The following RASL12 variants were observed in gnomAD, a reference collection of about 807,000 sequenced individuals.
The protein encoded by RASL12 is RAS like family 12.
Under a neutral mutation model 22.9 loss-of-function variants are expected in RASL12, and 16 were observed. The observed-to-expected ratio is 0.70, with a 90% CI of 0.47 to 1.06. The LOEUF is 1.06. Ranked by LOEUF, RASL12 falls within the 50% of genes least tolerant of loss-of-function variation. RASL12 has a pLI of 0.00. For synonymous variants in RASL12, 159 were observed against 152.2 expected (o/e 1.04, Z -0.33); for missense variants, 306 against 353.1 (o/e 0.87, Z 1.07).
chr15:65,047,144 T>C, the RASL12 span, among the ~76,000 whole-genome samples: 1 of 151,724 alleles, frequency 6.6e-6, no homozygotes, highest in Non-Finnish European at 1.5e-5. Context: ...ATCACCAACC[T>C]GGCAAACATG....
intron 1 of RASL12, among the ~76,000 whole-genome samples, chr15:65,074,463 G>A (rs1035074892): frequency 2.6e-5 from 4 of 151,722 alleles, no homozygotes; most frequent in Admixed American, 6.6e-5. Context: ...GCACGAGCTC[G>A]GCTCACTGCA....
At chr15:65,075,792 A>C (rs374531013) in intron 1 of RASL12, among the ~76,000 whole-genome samples, 1 of 144,380 alleles carries the variant, frequency 6.9e-6, no homozygotes, top group Non-Finnish European at 1.5e-5. Context: ...TGCACCAATC[A>C]ACACTCTGTA....
At chr15:65,060,356 T>C (rs2086786995) in intron 2 of RASL12, among the ~76,000 whole-genome samples, 1 of 152,212 alleles carries the variant, frequency 6.6e-6, no homozygotes, top group Non-Finnish European at 1.5e-5. Flanking sequence ...TGTAAAATAG[T>C]AGAGTTCCTG....
intron 1 of RASL12, among the ~76,000 whole-genome samples, chr15:65,066,958 A>G (rs931183987): frequency 2.0e-5 from 3 of 152,222 alleles, no homozygotes; most frequent in Non-Finnish European, 4.4e-5. Flanking sequence ...TGTTGACACA[A>G]ATTATCTCAA....
Position 65,054,804 on chromosome 15 carries a change from G to A in RASL12, c.*95C>T. The A allele has an allele frequency of 6.6e-7, 1 of 1,519,734 alleles. No homozygotes were observed. The highest frequency in any genetic ancestry group is 8.8e-7 in the Non-Finnish European group (1 of 1,137,260). The allele number at this position is 1,519,734 out of a possible 1,614,324, so 94.1% of individuals were successfully genotyped here. On this transcript the variant is annotated 3_prime_UTR_variant, in exon 5 of 5. Transcript: ENST00000220062. ...CTTGGTGCTGGAGGCGGGGTCTGCT[G>A]TCCATCAGACGGAAAGGCTGGTGGT...
chr15:65,076,607 A>G (rs1207315106), exon 1 of RASL12: 2 of 702,926 alleles, frequency 2.8e-6, no homozygotes, highest in South Asian at 3.0e-5. Flanking sequence ...ATTTCTTCTA[A>G]GGATATGAGT....
At chr15:65,073,511 G>C (rs1460345372) in intron 1 of RASL12, among the ~76,000 whole-genome samples, 4 of 152,186 alleles carry the variant, frequency 2.6e-5, no homozygotes, top group African/African-American at 9.7e-5. Context: ...CTGACAGAAG[G>C]CAGCACTCAG....
At chr15:65,072,092 G>A (rs1183289744), upstream of RASL12, among the ~76,000 whole-genome samples, 4 of 152,172 alleles carry the variant, frequency 2.6e-5, no homozygotes, top group Non-Finnish European at 4.4e-5. Flanking sequence ...CCCAAGATTG[G>A]GACTGTCATG....
At chr15:65,053,160 G>A, downstream of RASL12, 2 of 1,613,828 alleles carry the variant, frequency 1.2e-6, no homozygotes, top group Non-Finnish European at 1.7e-6. Context: ...GAAACTGAGA[G>A]CTAGTGAGGG....
downstream of RASL12, chr15:65,052,814 T>C: frequency 1.5e-6 from 1 of 660,642 alleles, no homozygotes; most frequent in Admixed American, 2.9e-5. Context: ...CATTTCTCTG[T>C]TGAAGGAATA....
Position 65,055,066 on chromosome 15 carries a change from C to T in RASL12, c.634G>A (p.Ala212Thr), listed in dbSNP as rs139151034. Residue 212 changes from alanine (A) to threonine (T), a missense_variant, in exon 5 of 5, where the codon GCG (alanine) becomes ACG (threonine). By Grantham distance (58) the Ala-to-Thr change is moderately conservative (BLOSUM62 0). Transcript: ENST00000220062. ...RALPHQAPLT[A>T]RHGLASCTFN... ...GTGCAGCTGGCCAGCCCATGCCGCGCGGTGAGCGGGGCCTGGTGGGGCAGG... is the reference window on the plus strand; with the variant it reads ...GTGCAGCTGGCCAGCCCATGCCGCGTGGTGAGCGGGGCCTGGTGGGGCAGG... The T allele has an allele frequency of 9.3e-6, 15 of 1,612,916 alleles. No individual in the cohort carries two copies. Among genetic ancestry groups the T allele is most frequent in the African/African-American group, 2.7e-5 (2 of 74,914 alleles).
At chr15:65,068,083 C>A (rs1195759888), upstream of RASL12, 5 of 1,061,632 alleles carry the variant, frequency 4.7e-6, no homozygotes, top group South Asian at 2.3e-4. The surrounding 1 kb of genome is among the most constrained non-coding windows in gnomAD (Gnocchi z 4.2). Context: ...CGGAGCCCCC[C>A]GCGGGGCGCG....
At position 65,054,563 on chromosome 15, in the gene RASL12, T is replaced by G; in HGVS notation, c.*336A>C. 1.1e-5 allele frequency: 12 copies of G among 1,094,968 alleles called. No homozygotes were observed. Among genetic ancestry groups the G allele is most frequent in the Non-Finnish European group, 1.2e-5 (11 of 898,206 alleles). 67.8% of individuals were successfully genotyped at this position (1,094,968 alleles called of 1,614,324 possible). A position where few individuals can be genotyped will look rare whatever the true frequency, so the allele number is the denominator to read the frequency against. ...CCACTAAGGCCACAGCTGGCCCAAC[T>G]GTAGCTGGAGCAGGAAGGGCTGATG... is the stretch of plus-strand genomic sequence containing the variant. On this transcript the variant is annotated 3_prime_UTR_variant, in exon 5 of 5. Transcript: ENST00000220062.
downstream of RASL12, chr15:65,051,388 G>T (rs937494113): frequency 2.4e-6 from 2 of 834,430 alleles, no homozygotes; most frequent in African/African-American, 3.4e-5. Flanking sequence ...GCCCATCTTT[G>T]ATTAGGGTCT....
Position 65,054,715 on chromosome 15 carries a change from G to C in RASL12, c.*184C>G. ...TACCATGAAGACCAAGGCCTGGAGG[G>C]AACAGAAGCAGCATCCCTGCCTGCC... On this transcript the variant is annotated 3_prime_UTR_variant, in exon 5 of 5. Coordinates refer to ENST00000220062, the MANE Select transcript of RASL12 (RefSeq NM_016563.4). 1 of 1,428,156 alleles carries C rather than the reference G, an allele frequency of 7.0e-7. No individual in the cohort carries two copies. The highest frequency in any genetic ancestry group is 9.1e-7 in the Non-Finnish European group (1 of 1,095,030). 88.5% of individuals were successfully genotyped at this position (1,428,156 alleles called of 1,614,324 possible). A position where few individuals can be genotyped will look rare whatever the true frequency, so the allele number is the denominator to read the frequency against.
intron 2 of RASL12, among the ~76,000 whole-genome samples, chr15:65,060,973 T>C (rs539509212): frequency 1.3e-4 from 20 of 152,350 alleles, no homozygotes; most frequent in Admixed American, 1.2e-3. Context: ...TGTTTAACTA[T>C]ATTTGGTCCA....
intron 1 of RASL12, among the ~76,000 whole-genome samples, chr15:65,075,916 C>G (rs910534122): frequency 6.6e-6 from 1 of 151,962 alleles, no homozygotes; most frequent in Non-Finnish European, 1.5e-5. Context: ...CAATCAGCAC[C>G]CTGAGTTTAG....
chr15:65,054,825 G>A lies in RASL12; in HGVS notation c.*74C>T. 6.5e-7 allele frequency: 1 copy of A among 1,533,876 alleles called. No homozygotes were observed. Among genetic ancestry groups the A allele is most frequent in the East Asian group, 2.3e-5 (1 of 44,184 alleles). Reference sequence around the variant, plus strand: ...TGCTGTCCATCAGACGGAAAGGCTGGTGGTGAGAAGCCAGTCCCTGTCCTG... The same window carrying A: ...TGCTGTCCATCAGACGGAAAGGCTGATGGTGAGAAGCCAGTCCCTGTCCTG... On this transcript the variant is annotated 3_prime_UTR_variant, in exon 5 of 5. Coordinates refer to ENST00000220062, the MANE Select transcript of RASL12 (RefSeq NM_016563.4).
At position 65,054,842 on chromosome 15, in the gene RASL12, C is replaced by T; in HGVS notation, c.*57G>A. 8 of 1,552,864 alleles carry T rather than the reference C, an allele frequency of 5.2e-6. No homozygotes were observed. The highest frequency in any genetic ancestry group is 7.0e-6 in the Non-Finnish European group (8 of 1,149,746). On this transcript the variant is annotated 3_prime_UTR_variant, in exon 5 of 5. Coordinates refer to ENST00000220062, the MANE Select transcript of RASL12 (RefSeq NM_016563.4). ...AAAGGCTGGTGGTGAGAAGCCAGTCCCTGTCCTGCTGCAGTCCTGTCCAGC... is the reference window on the plus strand; with the variant it reads ...AAAGGCTGGTGGTGAGAAGCCAGTCTCTGTCCTGCTGCAGTCCTGTCCAGC...
Sources: gnomAD v4.1 joint callset for allele counts (sites outside exome capture counted in the v4.1 genomes callset) on GRCh38, gnomAD v4.1.1 for gene constraint, Gnocchi (gnomAD v3.1) non-coding constraint, MANE v1.5 for transcripts, NCBI Gene and HGNC (gene_info 2026-07-23, HGNC 2026-07-21) for gene names.